The following TLR2 variants were observed in gnomAD, a reference collection of about 807,000 sequenced individuals.
The protein encoded by TLR2 is toll-like receptor 2.
A neutral mutation model predicts 9.1 loss-of-function variants in TLR2; 7 were observed. That is an observed-to-expected ratio of 0.77 (90% CI 0.44 to 1.44). TLR2 has a LOEUF of 1.44. Among genes scored for constraint, TLR2 ranks in the 40% most tolerant of loss-of-function variants. TLR2 has a pLI of 0.01. For synonymous variants in TLR2, 317 were observed against 344.6 expected (o/e 0.92, Z 0.89); for missense variants, 812 against 904.6 (o/e 0.90, Z 1.31).
intron 2 of TLR2, among the ~76,000 whole-genome samples, chr4:153,700,767 A>G (rs1736829698): frequency 1.3e-5 from 2 of 152,240 alleles, no homozygotes; most frequent in Non-Finnish European, 2.9e-5. Flanking sequence ...TACATTTAAT[A>G]TAGTGTGTTG....
chr4:153,692,412 T>A (rs1461478598), intron 2 of TLR2, among the ~76,000 whole-genome samples: 1 of 152,186 alleles, frequency 6.6e-6, no homozygotes, highest in Non-Finnish European at 1.5e-5. Flanking sequence ...AGCAACTAAG[T>A]CCTCTAAAGC....
At chr4:153,690,774 TG>T (rs1236448310) in intron 2 of TLR2, among the ~76,000 whole-genome samples, 6 of 152,230 alleles carry the variant, frequency 3.9e-5, no homozygotes, top group Non-Finnish European at 8.8e-5. Flanking sequence ...TGGGTTAAAT[TG>T]TGAAAGTGTC....
At chr4:153,695,752 C>A (rs927969879) in intron 2 of TLR2, among the ~76,000 whole-genome samples, 3 of 152,152 alleles carry the variant, frequency 2.0e-5, no homozygotes, top group Non-Finnish European at 4.4e-5. Flanking sequence ...AATCTTTGCC[C>A]AGACCAATGT....
chr4:153,706,579 C>T (rs1017924677), downstream of TLR2, among the ~76,000 whole-genome samples: 24 of 152,262 alleles, frequency 1.6e-4, no homozygotes, highest in African/African-American at 5.8e-4. Context: ...GTTAATTTTG[C>T]AATCTAGGTA....
At chr4:153,709,442 GTTAA>G (rs1302647976), downstream of TLR2, among the ~76,000 whole-genome samples, 8 of 152,158 alleles carry the variant, frequency 5.3e-5, no homozygotes, top group Admixed American at 5.2e-4. Context: ...TCATTCATGG[GTTAA>G]TTCTTTCTGA....
In TLR2 at chr4:153,703,149, T is replaced by C. The variant is rs56303479; in HGVS notation, c.242T>C (p.Leu81Pro). 1.8e-4 allele frequency: 297 copies of C among 1,614,236 alleles called. 2 individuals carry two copies. In the South Asian group the frequency reaches 2.1e-3, roughly 11 times the overall value. Residue 81 changes from leucine (L) to proline (P), a missense_variant, in exon 3 of 3, where the codon CTG becomes CCG. Physicochemically the swap from Leu to Pro is moderately conservative, Grantham distance 98. Transcript: ENST00000642700. ...CAGAGGTGTGTGAACCTCCAGGCTC[T>C]GGTGCTGACATCCAATGGAATTAAC... Reference protein sequence around the residue: ...DLQRCVNLQALVLTSNGINTI... With the variant: ...DLQRCVNLQAPVLTSNGINTI...
Position 153,687,942 on chromosome 4 carries a change from A to G in TLR2, c.-122A>G, listed in dbSNP as rs985633779. 1.3e-5 allele frequency: 2 copies of G among 152,202 alleles called. No individual in the cohort carries two copies. The highest frequency in any genetic ancestry group is 4.8e-5 in the African/African-American group (2 of 41,450). The allele number at this position is 152,202 out of a possible 1,614,324, so 9.4% of individuals were successfully genotyped here. ...TGTTTGGTGTTGCAAGCAGGATCCA[A>G]AGGAGACCTATAGTGACTCCCAGGA... On this transcript the variant is annotated 5_prime_UTR_variant, in exon 2 of 3. Transcript: ENST00000642700.
At chr4:153,702,837 G>T in intron 2 of TLR2, 55 bp from the exon 3 acceptor site, 3 of 1,335,866 alleles carry the variant, frequency 2.2e-6, no homozygotes, top group South Asian at 2.7e-5. Context: ...TCAAGAATTA[G>T]AATTACGATA....
rs760309240 is a variant in TLR2, at chr4:153,703,041, C to T, written c.134C>T (p.Ser45Phe). 1.2e-6 allele frequency: 2 copies of T among 1,613,996 alleles called. No individual in the cohort carries two copies. Among genetic ancestry groups the T allele is most frequent in the Non-Finnish European group, 1.7e-6 (2 of 1,180,000 alleles). Reference protein sequence around the residue: ...ICKGSSGSLNSIPSGLTEAVK... With the variant: ...ICKGSSGSLNFIPSGLTEAVK... ...AAGGGCAGCTCAGGATCTTTAAACT[C>T]CATTCCCTCAGGGCTCACAGAAGCT... Residue 45 changes from serine (S) to phenylalanine (F), a missense_variant, in exon 3 of 3, where the codon TCC becomes TTC. Coordinates refer to ENST00000642700, the MANE Select transcript of TLR2 (RefSeq NM_001318789.2).
At chr4:153,697,824 C>G (rs977711354) in intron 2 of TLR2, among the ~76,000 whole-genome samples, 6 of 152,112 alleles carry the variant, frequency 3.9e-5, no homozygotes, top group African/African-American at 1.4e-4. Flanking sequence ...TTAATATGTG[C>G]TTCAGAAATT....
intron 1 of TLR2, among the ~76,000 whole-genome samples, chr4:153,684,957 T>C (rs1735593988): frequency 6.6e-6 from 1 of 151,336 alleles, no homozygotes; most frequent in Non-Finnish European, 1.5e-5. Flanking sequence ...TTCAACGAGC[T>C]AGCGTCTGGC....
chr4:153,710,630 T>C, downstream of TLR2: 3 of 758,916 alleles, frequency 4.0e-6, no homozygotes, highest in Non-Finnish European at 6.3e-6. Flanking sequence ...TAAAAGCCCC[T>C]TATGTGAGTT....
Position 153,702,942 on chromosome 4 carries a change from GGGTC to G in TLR2, c.36_39del (p.Val13SerfsTer30). ...ACTTTGTGGATGGTGTGGGTCTTGG[GGGTC>G]ATCATCAGCCTCTCCAAGGAAGAAT... is the stretch of plus-strand genomic sequence containing the variant. On this transcript the variant is annotated frameshift_variant, in exon 3 of 3. Coordinates refer to ENST00000642700, the MANE Select transcript of TLR2 (RefSeq NM_001318789.2). LOFTEE classifies it low-confidence loss of function (END_TRUNC). 6.2e-7 allele frequency: 1 copy of G among 1,602,776 alleles called. No individual in the cohort carries two copies.
downstream of TLR2, among the ~76,000 whole-genome samples, chr4:153,707,425 C>T (rs114762893): frequency 5.8e-3 from 885 of 152,278 alleles, 5 homozygotes; most frequent in African/African-American, 0.02. Context: ...TGGCATGTGC[C>T]TCTGGTCCTA....
chr4:153,692,872 G>C lies in TLR2; in HGVS notation c.-17+4825G>C, dbSNP rs192524721. ...AAATTGAGCAGGTTGAATTGACCAT[G>C]CAGATGGCCAGTGCTGTACAGAAAT... On this transcript the variant is annotated intron_variant, in intron 2 of 2. Transcript: ENST00000642700. 1.4e-3 allele frequency among the ~76,000 whole-genome samples: 216 copies of C among 152,322 alleles called. 1 individual carries two copies. Among genetic ancestry groups the C allele is most frequent in the Non-Finnish European group, 2.6e-3 (176 of 68,024 alleles).
chr4:153,692,997 A>G (rs1209796617), intron 2 of TLR2, among the ~76,000 whole-genome samples: 1 of 152,204 alleles, frequency 6.6e-6, no homozygotes, highest in Non-Finnish European at 1.5e-5. Context: ...GATTCACCCA[A>G]TAAGCTGCTT....
chr4:153,695,295 C>G (rs1736414146), intron 2 of TLR2, among the ~76,000 whole-genome samples: 1 of 152,180 alleles, frequency 6.6e-6, no homozygotes. Context: ...CAACCAACAA[C>G]AGTGTACAGG....
chr4:153,708,770 A>G (rs1195464091), downstream of TLR2, among the ~76,000 whole-genome samples: 2 of 152,172 alleles, frequency 1.3e-5, no homozygotes, highest in Non-Finnish European at 2.9e-5. Context: ...GGGGGGATCC[A>G]TGGGAGATTG....
intron 2 of TLR2, among the ~76,000 whole-genome samples, chr4:153,689,043 T>A (rs1735919109): frequency 6.6e-6 from 1 of 152,270 alleles, no homozygotes. Flanking sequence ...TGTCTTTATC[T>A]ATTTTAATGG....
Sources: gnomAD v4.1 joint callset for allele counts (sites outside exome capture counted in the v4.1 genomes callset) on GRCh38, gnomAD v4.1.1 for gene constraint, MANE v1.5 for transcripts, NCBI Gene and HGNC (gene_info 2026-07-23, HGNC 2026-07-21) for gene names.